The following PRIMA1 variants were observed in gnomAD, a reference collection of about 807,000 sequenced individuals.
PRIMA1 encodes proline rich membrane anchor 1, also known as proline-rich membrane anchor 1.
PRIMA1 carries 7 observed loss-of-function variants against 17.5 expected under a neutral mutation model. The ratio of observed to expected loss-of-function variants is 0.40; its 90% CI spans 0.23 to 0.75. PRIMA1 has a LOEUF of 0.75. Among genes scored for constraint, PRIMA1 ranks in the 30% least tolerant of loss-of-function variants. The pLI is 0.37. For missense variants in PRIMA1, 200 were observed against 201.8 expected, an observed-to-expected ratio of 0.99 and a Z score of 0.05; for synonymous variants, 97 against 77.9, an observed-to-expected ratio of 1.25 and a Z score of -1.29.
chr14:93,744,337 G>A (rs372267704), intron 3 of PRIMA1, among the ~76,000 whole-genome samples: 2 of 152,340 alleles, frequency 1.3e-5, no homozygotes, highest in African/African-American at 4.8e-5. Flanking sequence ...GGGTCCCATT[G>A]TCTCAGGGAC....
Position 93,755,360 on chromosome 14 carries a change from TTTAC to T in PRIMA1, c.230-17994_230-17991del, listed in dbSNP as rs1378097456. Among the ~76,000 whole-genome samples, 4 of 152,186 alleles carry T rather than the reference TTTAC, an allele frequency of 2.6e-5. No homozygotes were observed. In the East Asian group the frequency reaches 7.7e-4, roughly 29 times the overall value. The stretch of plus-strand genomic sequence containing the variant: ...GTGTGATGGGGGCCACCTTCTTTTT[TTTAC>T]GAGCTGAATGGATGTACCACAATTT... On this transcript the variant is annotated intron_variant, in intron 3 of 4. Coordinates refer to ENST00000393140, the MANE Select transcript of PRIMA1 (RefSeq NM_178013.4).
intron 3 of PRIMA1, among the ~76,000 whole-genome samples, chr14:93,764,860 G>T (rs1019061404): frequency 6.6e-6 from 1 of 152,108 alleles, no homozygotes; most frequent in Non-Finnish European, 1.5e-5. Flanking sequence ...ACATATATCT[G>T]CCCAGGAAAG....
rs111274499 is a variant in PRIMA1 at position 93,745,184 on chromosome 14, C to T, written c.230-7814G>A. 7.9e-3 allele frequency among the ~76,000 whole-genome samples: 1,208 copies of T among 152,302 alleles called. 13 individuals are homozygous for T. The highest frequency in any genetic ancestry group is 0.028 in the African/African-American group (1,147 of 41,566). On this transcript the variant is annotated intron_variant, in intron 3 of 4. Coordinates refer to ENST00000393140, the MANE Select transcript of PRIMA1 (RefSeq NM_178013.4). ...TGGCCGGCAGCACTGAGCACGTCCC[C>T]CCTCTCACCCACCATAGACAGGAAC...
At position 93,741,348 on chromosome 14, in the gene PRIMA1, G is replaced by C. The variant is rs2076183156; in HGVS notation, c.230-3978C>G. Among the ~76,000 whole-genome samples the C allele has an allele frequency of 2.0e-5, 3 of 152,218 alleles. No individual in the cohort carries two copies. The South Asian group carries it at 6.2e-4, about 32-fold the overall frequency. On this transcript the variant is annotated intron_variant, in intron 3 of 4. Coordinates refer to ENST00000393140, the MANE Select transcript of PRIMA1 (RefSeq NM_178013.4). ...TTGGGACCCTGATCTTTGGGCTACA[G>C]CTGGGTCTATCCCTGCCTGAACTTC...
At chr14:93,733,630 C>T (rs1287359040) in intron 4 of PRIMA1, among the ~76,000 whole-genome samples, 1 of 151,916 alleles carries the variant, frequency 6.6e-6, no homozygotes, top group East Asian at 1.9e-4. Context: ...TTACAAAGAT[C>T]TCTTGGAAAT....
Position 93,787,616 on chromosome 14 carries a change from C to T in PRIMA1, c.93+10G>A. ...GCCCTCCCAGCCAGTGCGCAGCCGG[C>T]GCGTCTCACCTGCACGAAGCCCCAG... On this transcript the variant is annotated intron_variant, in intron 2 of 4. Coordinates refer to ENST00000393140, the MANE Select transcript of PRIMA1 (RefSeq NM_178013.4). 6.5e-7 allele frequency: 1 copy of T among 1,540,220 alleles called. No homozygotes were observed.
At chr14:93,765,955 T>G (rs187193365) in intron 3 of PRIMA1, among the ~76,000 whole-genome samples, 1 of 152,292 alleles carries the variant, frequency 6.6e-6, no homozygotes, top group Admixed American at 6.5e-5. Context: ...CGATAATATA[T>G]AAAATGAGGG....
At chr14:93,756,579 G>A (rs1379084627) in intron 3 of PRIMA1, among the ~76,000 whole-genome samples, 1 of 151,030 alleles carries the variant, frequency 6.6e-6, no homozygotes, top group South Asian at 2.1e-4. Context: ...CCCACAAATT[G>A]ATCAGTCCCA....
chr14:93,787,214 C>A (rs1885550140), intron 2 of PRIMA1, among the ~76,000 whole-genome samples: 1 of 152,314 alleles, frequency 6.6e-6, no homozygotes, highest in South Asian at 2.1e-4. Context: ...ATAAGAAACA[C>A]GGCTGCCTTC....
intron 2 of PRIMA1, among the ~76,000 whole-genome samples, chr14:93,785,347 A>C (rs1885495002): frequency 6.6e-6 from 1 of 152,202 alleles, no homozygotes; most frequent in South Asian, 2.1e-4. Flanking sequence ...GTCTAACTTT[A>C]ATGATTAAGT....
rs377069531 is a variant in PRIMA1 at position 93,732,647 on chromosome 14, C to T, written c.359+4594G>A. Among the ~76,000 whole-genome samples the T allele has an allele frequency of 2.0e-3, 305 of 152,350 alleles. 1 individual carries two copies. Among genetic ancestry groups the T allele is most frequent in the African/African-American group, 6.9e-3 (288 of 41,580 alleles). On this transcript the variant is annotated intron_variant, in intron 4 of 4. Transcript: ENST00000393140. Reference sequence around the variant, plus strand: ...GTCCTGGCACCTGGCCCAGCCCTGGCGGGCACAGTGATCAGCATTTATACG... The same window carrying T: ...GTCCTGGCACCTGGCCCAGCCCTGGTGGGCACAGTGATCAGCATTTATACG...
intron 3 of PRIMA1, among the ~76,000 whole-genome samples, chr14:93,776,333 A>C (rs1885221125): frequency 6.6e-6 from 1 of 152,172 alleles, no homozygotes; most frequent in African/African-American, 2.4e-5. Flanking sequence ...TGCCATACAG[A>C]GCTCTCCTCT....
intron 3 of PRIMA1, among the ~76,000 whole-genome samples, chr14:93,753,998 G>A (rs994999833): frequency 6.6e-6 from 1 of 152,226 alleles, no homozygotes; most frequent in African/African-American, 2.4e-5. Flanking sequence ...CTGTCTCTGA[G>A]CCTTCGCTAG....
chr14:93,744,050 T>G (rs887959796), intron 3 of PRIMA1, among the ~76,000 whole-genome samples: 1 of 152,024 alleles, frequency 6.6e-6, no homozygotes, highest in African/African-American at 2.4e-5. Flanking sequence ...TGATGCAGAG[T>G]CTGTTTTGTA....
intron 4 of PRIMA1, chr14:93,725,995 A>G: frequency 2.2e-6 from 1 of 456,496 alleles, no homozygotes; most frequent in South Asian, 1.5e-5. Context: ...GGCTCCCTAG[A>G]TGGCATGGTT....
At position 93,754,248 on chromosome 14, in the gene PRIMA1, G is replaced by A. The variant is rs549640043; in HGVS notation, c.230-16878C>T. 6.1e-4 allele frequency among the ~76,000 whole-genome samples: 93 copies of A among 152,270 alleles called. 1 individual carries two copies. Among genetic ancestry groups the A allele is most frequent in the African/African-American group, 2.2e-3 (92 of 41,552 alleles). On this transcript the variant is annotated intron_variant, in intron 3 of 4. Transcript: ENST00000393140. ...TGACTGAAGTGAGAACAAGCTCAAC[G>A]AAGAGCTTGTGGAGCTCTTCACAAT...
rs577264224 is a variant in PRIMA1, at chr14:93,726,964, G to A, written c.360-5418C>T. 1.3e-4 allele frequency among the ~76,000 whole-genome samples: 20 copies of A among 152,252 alleles called. No individual in the cohort carries two copies. Among genetic ancestry groups the A allele is most frequent in the Admixed American group, 7.2e-4 (11 of 15,302 alleles). On this transcript the variant is annotated intron_variant, in intron 4 of 4. Coordinates refer to ENST00000393140, the MANE Select transcript of PRIMA1 (RefSeq NM_178013.4). This position sits in a 1 kb window ranked among gnomAD's most constrained non-coding sequence, Gnocchi z 4.2. ...ACACTCATATACACACACACTCAGC[G>A]TTCCATGATGAGACTCCTCTGTAGA...
At chr14:93,759,610 G>C (rs1175296710) in intron 3 of PRIMA1, among the ~76,000 whole-genome samples, 1 of 152,182 alleles carries the variant, frequency 6.6e-6, no homozygotes, top group Non-Finnish European at 1.5e-5. Context: ...GGGCTAGAGA[G>C]GGAGGGGAGG....
intron 3 of PRIMA1, among the ~76,000 whole-genome samples, chr14:93,777,632 G>A (rs551798272): frequency 6.6e-5 from 10 of 152,274 alleles, no homozygotes; most frequent in Admixed American, 3.3e-4. Context: ...CACTGTGCCC[G>A]ACCAATCCCA....
Sources: allele counts gnomAD v4.1 joint callset (sites outside exome capture counted in the v4.1 genomes callset), GRCh38; gene constraint gnomAD v4.1.1; non-coding constraint Gnocchi (gnomAD v3.1); transcripts MANE v1.5; gene names NCBI Gene and HGNC (gene_info 2026-07-23, HGNC 2026-07-21).